RBFOX3: variants seen among roughly 807,000 people sequenced by gnomAD.
RBFOX3 encodes RNA binding protein fox-1 homolog 3.
Under a neutral mutation model 48.7 loss-of-function variants are expected in RBFOX3, and 17 were observed. That is an observed-to-expected ratio of 0.35 (90% CI 0.24 to 0.52). The LOEUF (loss-of-function observed/expected upper bound fraction) is 0.52, where lower values mean the gene tolerates loss of function less well. RBFOX3 is among the 20% of genes least tolerant of loss of function. RBFOX3 has a pLI of 0.94. For missense variants in RBFOX3, 382 were observed against 497.5 expected (o/e 0.77, Z 2.21); for synonymous variants, 212 against 209.5 (o/e 1.01, Z -0.10).
Position 79,305,527 on chromosome 17 carries a change from G to A in RBFOX3, c.-74+2197C>T, listed in dbSNP as rs1009381518. Among the ~76,000 whole-genome samples, 4 of 152,178 alleles carry A rather than the reference G, an allele frequency of 2.6e-5. No homozygotes were observed. The South Asian group carries it at 8.3e-4, about 32-fold the overall frequency. Reference sequence around the variant, plus strand: ...CCCTGCCCCCTTGTCCGCCTCCTCTGGACAGACCGACATGAAATGGGCTCG... The same window carrying A: ...CCCTGCCCCCTTGTCCGCCTCCTCTAGACAGACCGACATGAAATGGGCTCG... On this transcript the variant is annotated intron_variant, in intron 3 of 14. Coordinates refer to ENST00000693108, the MANE Select transcript of RBFOX3 (RefSeq NM_001350451.2).
intron 1 of RBFOX3, among the ~76,000 whole-genome samples, chr17:79,537,285 A>G (rs782640867): frequency 3.9e-5 from 6 of 152,130 alleles, no homozygotes; most frequent in Non-Finnish European, 7.3e-5. Context: ...ACTTGTTGCC[A>G]ACATCACTCC....
At chr17:79,341,674 C>T (rs973045298) in intron 2 of RBFOX3, among the ~76,000 whole-genome samples, 7 of 152,076 alleles carry the variant, frequency 4.6e-5, no homozygotes, top group African/African-American at 1.4e-4. Flanking sequence ...CAGTCACTGC[C>T]CCTTGGTGTG....
intron 10 of RBFOX3, 26 bp downstream of exon 10, chr17:79,097,666 C>T: frequency 2.0e-6 from 3 of 1,503,324 alleles, no homozygotes; most frequent in South Asian, 1.2e-5. Context: ...GGTCTCATCC[C>T]ATCCCCGCCC....
intron 9 of RBFOX3, chr17:79,099,625 G>C (rs1239253524): frequency 6.6e-6 from 1 of 152,174 alleles, no homozygotes; most frequent in African/African-American, 2.4e-5. Context: ...ATGGCCCTGG[G>C]CACCTTCACC....
At chr17:79,512,712 G>A in intron 1 of RBFOX3, among the ~76,000 whole-genome samples, 1 of 141,508 alleles carries the variant, frequency 7.1e-6, no homozygotes, top group Non-Finnish European at 1.5e-5. Context: ...ATGGCCAAGG[G>A]ACACCCACCC....
rs78909809 is a variant in RBFOX3 at position 79,369,776 on chromosome 17, C to G, written c.-174-61952G>C. Among the ~76,000 whole-genome samples the G allele has an allele frequency of 1.7e-3, 253 of 152,260 alleles. 1 individual carries two copies. Among genetic ancestry groups the G allele is most frequent in the African/African-American group, 5.8e-3 (242 of 41,552 alleles). On this transcript the variant is annotated intron_variant, in intron 2 of 14. Coordinates refer to ENST00000693108, the MANE Select transcript of RBFOX3 (RefSeq NM_001350451.2). Reference sequence around the variant, plus strand: ...CCAGCTCAGGCTCTCTCTGCAGCCTCGGGAAAGATCATCTGCCCGCCCTGA... The same window carrying G: ...CCAGCTCAGGCTCTCTCTGCAGCCTGGGGAAAGATCATCTGCCCGCCCTGA...
At chr17:79,610,316 G>A (rs1239964346) in intron 1 of RBFOX3, among the ~76,000 whole-genome samples, 1 of 151,864 alleles carries the variant, frequency 6.6e-6, no homozygotes, top group African/African-American at 2.4e-5. Flanking sequence ...CCGCCGGGTC[G>A]CCAGCCTCTC....
At chr17:79,337,829 A>G (rs1041702784) in intron 2 of RBFOX3, among the ~76,000 whole-genome samples, 2 of 152,138 alleles carry the variant, frequency 1.3e-5, no homozygotes, top group African/African-American at 4.8e-5. Context: ...TATGTCACAT[A>G]CACACACACA....
chr17:79,133,405 G>C (rs983895452), intron 4 of RBFOX3, among the ~76,000 whole-genome samples: 4 of 150,042 alleles, frequency 2.7e-5, no homozygotes, highest in African/African-American at 9.7e-5. Flanking sequence ...GCACCTACTA[G>C]GTTTGCTGAG....
At chr17:79,580,903 A>G (rs1455105158) in intron 1 of RBFOX3, among the ~76,000 whole-genome samples, 1 of 152,174 alleles carries the variant, frequency 6.6e-6, no homozygotes. Context: ...AATATTTGTG[A>G]CCAAAGTGAG....
chr17:79,238,729 G>A (rs564324706), intron 3 of RBFOX3, among the ~76,000 whole-genome samples: 3 of 152,220 alleles, frequency 2.0e-5, no homozygotes, highest in Non-Finnish European at 2.9e-5. Context: ...TGTCACACAC[G>A]TACGAGTGTC....
At chr17:79,655,426 T>G in the RBFOX3 span, among the ~76,000 whole-genome samples, 2 of 152,180 alleles carry the variant, frequency 1.3e-5, no homozygotes, top group African/African-American at 4.8e-5. Flanking sequence ...AACTGTCAAA[T>G]AGAAAGTCCT....
intron 1 of RBFOX3, among the ~76,000 whole-genome samples, chr17:79,596,023 A>C (rs1437515062): frequency 6.6e-6 from 1 of 152,174 alleles, no homozygotes; most frequent in East Asian, 1.9e-4. Flanking sequence ...TATCTTCCAG[A>C]ATTATCTGGC....
intron 1 of RBFOX3, among the ~76,000 whole-genome samples, chr17:79,584,829 G>T (rs955249106): frequency 3.3e-5 from 5 of 151,688 alleles, no homozygotes; most frequent in Non-Finnish European, 7.4e-5. Flanking sequence ...GCAGTGGCAC[G>T]ATCTCAGCTC....
At chr17:79,573,403 G>A (rs1438151925) in intron 1 of RBFOX3, among the ~76,000 whole-genome samples, 1 of 152,210 alleles carries the variant, frequency 6.6e-6, no homozygotes, top group Non-Finnish European at 1.5e-5. Flanking sequence ...GCCGTGCTTT[G>A]AGGCCTTTCA....
the RBFOX3 span, among the ~76,000 whole-genome samples, chr17:79,649,892 C>T: frequency 1.0e-3 from 155 of 152,078 alleles, 2 homozygotes; most frequent in South Asian, 0.031. Flanking sequence ...CAGGAACAAG[C>T]AGGGAGGGAG....
chr17:79,166,204 G>A (rs2047972003), intron 4 of RBFOX3, among the ~76,000 whole-genome samples: 1 of 152,092 alleles, frequency 6.6e-6, no homozygotes, highest in South Asian at 2.1e-4. Flanking sequence ...ACTGGAGGAT[G>A]CAACTCCAAG....
intron 3 of RBFOX3, among the ~76,000 whole-genome samples, chr17:79,244,696 GCCTTC>G (rs140890605): frequency 1.7e-4 from 25 of 148,358 alleles, no homozygotes; most frequent in African/African-American, 5.8e-4. Flanking sequence ...CCCTCCTAGA[GCCTTC>G]CCTTCCCTTC....
intron 2 of RBFOX3, among the ~76,000 whole-genome samples, chr17:79,478,788 G>A (rs2078348593): frequency 6.6e-6 from 1 of 152,212 alleles, no homozygotes; most frequent in African/African-American, 2.4e-5. Flanking sequence ...GCATGTAACA[G>A]ACAAATCTCG....
Sources: gnomAD v4.1 joint callset for allele counts (sites outside exome capture counted in the v4.1 genomes callset) on GRCh38, gnomAD v4.1.1 for gene constraint, MANE v1.5 for transcripts, NCBI Gene and HGNC (gene_info 2026-07-23, HGNC 2026-07-21) for gene names.